The following TMEM63C variants were observed in gnomAD, a reference collection of about 807,000 sequenced individuals.
TMEM63C encodes the protein transmembrane protein 63C, also known as osmosensitive cation channel TMEM63C.
A neutral mutation model predicts 99.2 loss-of-function variants in TMEM63C; 32 were observed. The observed-to-expected ratio is 0.32, with a 90% CI of 0.24 to 0.43. The LOEUF (loss-of-function observed/expected upper bound fraction) is 0.43. Among genes scored for constraint, TMEM63C ranks in the 20% least tolerant of loss-of-function variants. The pLI, the probability that TMEM63C is intolerant of heterozygous loss-of-function variation, is 1.00. For missense variants in TMEM63C, 826 were observed against 1,053.0 expected, an observed-to-expected ratio of 0.78 and a Z score of 2.98; for synonymous variants, 376 against 397.9, an observed-to-expected ratio of 0.94 and a Z score of 0.66.
intron 21 of TMEM63C, 175 bp from the exon 22 acceptor site, chr14:77,251,614 C>G: frequency 1.7e-6 from 1 of 604,698 alleles, no homozygotes; most frequent in South Asian, 2.0e-5. Context: ...CAAATTCTAA[C>G]AGAGCAAAGG....
Position 77,252,607 on chromosome 14 carries a change from A to G in TMEM63C, c.2149-698A>G, listed in dbSNP as rs188143735. Among the ~76,000 whole-genome samples the G allele has an allele frequency of 4.6e-5, 7 of 152,370 alleles. No individual in the cohort carries two copies. The East Asian group carries it at 1.3e-3, about 29-fold the overall frequency. On this transcript the variant is annotated intron_variant, in intron 22 of 23. Coordinates refer to ENST00000298351, the MANE Select transcript of TMEM63C (RefSeq NM_020431.4). The stretch of plus-strand genomic sequence containing the variant: ...TTTCTGCCTATGGCAACTGAAATAC[A>G]GTTTTCTGTTTATAATAGTGAATTG...
chr14:77,182,057 C>A (rs1180569276), intron 1 of TMEM63C, among the ~76,000 whole-genome samples, 163 bp downstream of exon 1: 1 of 152,000 alleles, frequency 6.6e-6, no homozygotes, highest in Non-Finnish European at 1.5e-5. Flanking sequence ...GAGACTGCGC[C>A]ACAGTCCCTT....
intron 22 of TMEM63C, among the ~76,000 whole-genome samples, chr14:77,252,701 T>C (rs1325891795): frequency 6.6e-6 from 1 of 152,268 alleles, no homozygotes; most frequent in Non-Finnish European, 1.5e-5. Context: ...CTACTGAGCC[T>C]GAGGAGGGAC....
rs746092489 is a variant in TMEM63C, at chr14:77,239,374, C to T, written c.726-38C>T. 4 of 1,609,282 alleles carry T rather than the reference C, an allele frequency of 2.5e-6. No homozygotes were observed. The African/African-American group carries it at 4.0e-5, about 16-fold the overall frequency. ...GGGGTAGGGGCAGCACATCCCCAAC[C>T]CCACAGGCCGACTCAGCACCCATGT... On this transcript the variant is annotated intron_variant, in intron 10 of 23. Coordinates refer to ENST00000298351, the MANE Select transcript of TMEM63C (RefSeq NM_020431.4).
At chr14:77,218,250 G>T (rs1308802009) in intron 2 of TMEM63C, among the ~76,000 whole-genome samples, 26 of 149,880 alleles carry the variant, frequency 1.7e-4, no homozygotes, top group Non-Finnish European at 7.4e-5. Flanking sequence ...AGAGGGGGGT[G>T]TTTCTTGAGT....
intron 1 of TMEM63C, among the ~76,000 whole-genome samples, chr14:77,211,508 C>A (rs1888497616): frequency 1.3e-5 from 2 of 152,202 alleles, no homozygotes; most frequent in Non-Finnish European, 2.9e-5. Context: ...CCTCCTGGAC[C>A]ATCCTAACTC....
intron 1 of TMEM63C, among the ~76,000 whole-genome samples, chr14:77,194,541 C>CTTTA (rs761797302): frequency 5.5e-5 from 1 of 18,236 alleles, no homozygotes; most frequent in Non-Finnish European, 1.0e-4. Flanking sequence ...TTCTTTCTTT[C>CTTTA]TTTCTTTCTT....
rs1380277781 is a variant in TMEM63C at position 77,256,696 on chromosome 14, G to T, written c.2391G>T (p.Leu797=). Residue 797 remains leucine (L), a synonymous_variant, in exon 24 of 24, where the codon CTG becomes CTT. Transcript: ENST00000298351. ...ELDSAQFQEG[L]ELEGQNQYH The stretch of plus-strand genomic sequence containing the variant: ...ACTCGGCCCAGTTCCAGGAAGGGCT[G>T]GAACTGGAGGGCCAGAACCAGTACC... 1 of 1,613,916 alleles carries T rather than the reference G, an allele frequency of 6.2e-7. No homozygotes were observed. Among genetic ancestry groups the T allele is most frequent in the Non-Finnish European group, 8.5e-7 (1 of 1,179,858 alleles).
At chr14:77,246,585 G>A (rs1220598698) in intron 17 of TMEM63C, 24 bp from the exon 18 acceptor site, 1 of 1,607,384 alleles carries the variant, frequency 6.2e-7, no homozygotes, top group Non-Finnish European at 8.5e-7. Context: ...CTAACTAACA[G>A]ACCTGCCTTG....
intron 23 of TMEM63C, among the ~76,000 whole-genome samples, chr14:77,253,915 G>A (rs1566632907): frequency 6.6e-6 from 1 of 152,208 alleles, no homozygotes; most frequent in Non-Finnish European, 1.5e-5. Context: ...GCCTGAAGGG[G>A]AATGGGCACA....
At chr14:77,238,649 A>G (rs903903950) in intron 9 of TMEM63C, 45 bp from the exon 10 acceptor site, 5 of 1,514,938 alleles carry the variant, frequency 3.3e-6, no homozygotes, top group Non-Finnish European at 4.6e-6. Flanking sequence ...TGGAATTCCT[A>G]TGCAAGCACA....
chr14:77,221,368 A>C (rs1217971489), intron 5 of TMEM63C, among the ~76,000 whole-genome samples: 1 of 44,742 alleles, frequency 2.2e-5, no homozygotes, highest in Non-Finnish European at 3.6e-5. Flanking sequence ...CTCCCCTCCC[A>C]CTCATGCCTC....
intron 17 of TMEM63C, 35 bp from the exon 18 acceptor site, chr14:77,246,574 G>A: frequency 6.3e-7 from 1 of 1,594,590 alleles, no homozygotes; most frequent in Non-Finnish European, 8.6e-7. Flanking sequence ...TCATAGGTTT[G>A]CTAACTAACA....
chr14:77,249,808 C>T (rs900416216), intron 21 of TMEM63C, among the ~76,000 whole-genome samples: 5 of 152,172 alleles, frequency 3.3e-5, no homozygotes, highest in African/African-American at 9.7e-5. Flanking sequence ...TCTGGGATCC[C>T]ATAAGATGCC....
intron 17 of TMEM63C, among the ~76,000 whole-genome samples, chr14:77,246,291 C>T (rs1286512462): frequency 6.6e-6 from 1 of 152,220 alleles, no homozygotes. Context: ...ATGGGAACAA[C>T]ACAGCCAAAA....
At chr14:77,240,931 C>CTTTTTTTTTT (rs575279817) in intron 13 of TMEM63C, among the ~76,000 whole-genome samples, 2 of 128,482 alleles carry the variant, frequency 1.6e-5, no homozygotes, top group Admixed American at 7.7e-5. Context: ...TTCCCTTTTT[C>CTTTTTTTTTT]TTTTTTTTTT....
At chr14:77,192,358 C>T (rs2140091077) in intron 1 of TMEM63C, among the ~76,000 whole-genome samples, 1 of 152,084 alleles carries the variant, frequency 6.6e-6, no homozygotes, top group East Asian at 1.9e-4. Context: ...ATCCTAGGTC[C>T]AGTAGAGTGG....
rs754817535 is a variant in TMEM63C at position 77,240,534 on chromosome 14, C to T, written c.990C>T (p.Ala330=). Reference sequence around the variant, plus strand: ...AGCAGCTAACGGACGAGTTCAACGCCGAGCTCAACCGCGTGCCGCTCAAGC... The same window carrying T: ...AGCAGCTAACGGACGAGTTCAACGCTGAGCTCAACCGCGTGCCGCTCAAGC... ...LEEQLTDEFN[A]ELNRVPLKRL... is the part of the protein sequence containing the mutation. The change falls in exon 13 of 24, where the codon GCC becomes GCT. Residue 330 remains alanine, a synonymous_variant. Transcript: ENST00000298351. 96 of 1,611,860 alleles carry T rather than the reference C, an allele frequency of 6.0e-5. 1 individual carries two copies. The highest frequency in any genetic ancestry group is 1.4e-4 in the South Asian group (13 of 91,068).
intron 6 of TMEM63C, among the ~76,000 whole-genome samples, chr14:77,228,545 T>A (rs1888875246): frequency 6.6e-6 from 1 of 151,850 alleles, no homozygotes; most frequent in Non-Finnish European, 1.5e-5. Context: ...TAAATCTTTT[T>A]TTTTTTTTTA....
Sources: gnomAD v4.1 joint callset for allele counts (sites outside exome capture counted in the v4.1 genomes callset) on GRCh38, gnomAD v4.1.1 for gene constraint, MANE v1.5 for transcripts, NCBI Gene and HGNC (gene_info 2026-07-23, HGNC 2026-07-21) for gene names.